Variants in GALNT17 observed in about 807,000 individuals in gnomAD.
The protein encoded by GALNT17 is polypeptide N-acetylgalactosaminyltransferase 17.
In GALNT17, 29 loss-of-function variants were observed where a neutral mutation model predicts 63.7. The ratio of observed to expected loss-of-function variants is 0.46; its 90% CI spans 0.34 to 0.62. GALNT17 has a LOEUF of 0.62. Ranked by LOEUF, GALNT17 falls within the 20% of genes least tolerant of loss-of-function variation. GALNT17 has a pLI of 0.01. For synonymous variants in GALNT17, 305 were observed against 318.3 expected (o/e 0.96, Z 0.45); for missense variants, 603 against 799.6 (o/e 0.75, Z 2.97).
intron 6 of GALNT17, among the ~76,000 whole-genome samples, chr7:71,632,364 G>C (rs1236465550): frequency 6.6e-6 from 1 of 152,152 alleles, no homozygotes; most frequent in Non-Finnish European, 1.5e-5. Context: ...TGATATGGAT[G>C]GGATTCCCAT....
chr7:71,697,363 C>T (rs534371315), intron 9 of GALNT17, among the ~76,000 whole-genome samples: 1 of 152,124 alleles, frequency 6.6e-6, no homozygotes, highest in African/African-American at 2.4e-5. Flanking sequence ...TCAGAATAGT[C>T]TGGAATTTTG....
chr7:71,407,215 A>C (rs991028712), intron 3 of GALNT17, among the ~76,000 whole-genome samples: 1 of 152,172 alleles, frequency 6.6e-6, no homozygotes, highest in African/African-American at 2.4e-5. Context: ...GTCTTATCTA[A>C]GTGTCTCACC....
chr7:71,520,241 A>G (rs900328073), intron 5 of GALNT17, among the ~76,000 whole-genome samples: 4 of 152,118 alleles, frequency 2.6e-5, no homozygotes, highest in South Asian at 2.1e-4. Context: ...CTAGAATTCT[A>G]TGTTAAAAAG....
intron 5 of GALNT17, among the ~76,000 whole-genome samples, chr7:71,443,942 G>T (rs936972891): frequency 5.9e-5 from 9 of 152,140 alleles, no homozygotes; most frequent in Non-Finnish European, 1.3e-4. Context: ...GGCCAGGCTG[G>T]TCTCGAACTT....
chr7:71,170,278 T>A (rs1391268472), intron 1 of GALNT17, among the ~76,000 whole-genome samples: 2 of 152,160 alleles, frequency 1.3e-5, no homozygotes, highest in Admixed American at 1.3e-4. Flanking sequence ...TTCAAAGATG[T>A]AGATCGAGAA....
At chr7:71,526,546 G>T (rs570154355) in intron 5 of GALNT17, among the ~76,000 whole-genome samples, 1 of 151,908 alleles carries the variant, frequency 6.6e-6, no homozygotes, top group Non-Finnish European at 1.5e-5. Flanking sequence ...TGGAGACAGA[G>T]TCTCTCTCTG....
chr7:71,522,792 G>T (rs1788552840), intron 5 of GALNT17, among the ~76,000 whole-genome samples: 1 of 152,088 alleles, frequency 6.6e-6, no homozygotes, highest in Non-Finnish European at 1.5e-5. Context: ...GTTTCACCTG[G>T]GTTCATTTCT....
In GALNT17 at chr7:71,545,193, G is replaced by T. The variant is rs1788962329; in HGVS notation, c.963-26092G>T. Among the ~76,000 whole-genome samples the T allele has an allele frequency of 2.0e-5, 3 of 152,034 alleles. No individual in the cohort carries two copies. In the South Asian group the frequency reaches 6.2e-4, roughly 32 times the overall value. ...CCTCGTATGTATAACCTATTTGATT[G>T]CTTGCTGTGTTGTAAGCTCTAAAGA... On this transcript the variant is annotated intron_variant, in intron 5 of 10. Coordinates refer to ENST00000333538, the MANE Select transcript of GALNT17 (RefSeq NM_022479.3).
chr7:71,665,451 C>T lies in GALNT17; in HGVS notation c.1121C>T (p.Ser374Leu). Reference sequence around the variant, plus strand: ...GGCAGCATGGAGGTCCTTCCTTGCTCACGGGTGGCCCACATTGAGCGGAAG... The same window carrying T: ...GGCAGCATGGAGGTCCTTCCTTGCTTACGGGTGGCCCACATTGAGCGGAAG... ...CGGSMEVLPCSRVAHIERKKK... is the reference protein window; with the variant it reads ...CGGSMEVLPCLRVAHIERKKK... The change falls in exon 7 of 11, where the codon TCA (serine) becomes TTA (leucine). Residue 374 changes from serine (S) to leucine (L), a missense_variant. Physicochemically the swap from Ser to Leu is moderately radical, Grantham distance 145. Coordinates refer to ENST00000333538, the MANE Select transcript of GALNT17 (RefSeq NM_022479.3). The T allele has an allele frequency of 6.2e-7, 1 of 1,612,784 alleles. No homozygotes were observed. Among genetic ancestry groups the T allele is most frequent in the East Asian group, 2.2e-5 (1 of 44,852 alleles).
intron 6 of GALNT17, among the ~76,000 whole-genome samples, chr7:71,608,764 G>C (rs1057235319): frequency 1.3e-5 from 2 of 151,852 alleles, no homozygotes; most frequent in Non-Finnish European, 2.9e-5. Flanking sequence ...AGATGAACTG[G>C]GAATCCTTTA....
intron 1 of GALNT17, among the ~76,000 whole-genome samples, chr7:71,278,552 G>T (rs1790722665): frequency 6.6e-6 from 1 of 152,162 alleles, no homozygotes; most frequent in Admixed American, 6.5e-5. Context: ...ACAAAGAATT[G>T]CCAGAGACTG....
chr7:71,338,654 A>C (rs1438203230), intron 2 of GALNT17, among the ~76,000 whole-genome samples: 1 of 152,308 alleles, frequency 6.6e-6, no homozygotes. Flanking sequence ...TGCTGGAGAG[A>C]AAACCCCTGT....
At chr7:71,321,930 T>TTCCTTC (rs1563001283) in intron 1 of GALNT17, among the ~76,000 whole-genome samples, 4 of 35,424 alleles carry the variant, frequency 1.1e-4, no homozygotes, top group Admixed American at 3.7e-4. Flanking sequence ...TTCCCCTCCC[T>TTCCTTC]CCCTCCCTCC....
intron 5 of GALNT17, among the ~76,000 whole-genome samples, chr7:71,434,044 A>G (rs1410060764): frequency 2.0e-5 from 3 of 151,978 alleles, no homozygotes; most frequent in Non-Finnish European, 4.4e-5. Flanking sequence ...TCAGACTCCA[A>G]TTTCTTCAGC....
At chr7:71,166,835 G>A (rs1181975817) in intron 1 of GALNT17, among the ~76,000 whole-genome samples, 2 of 151,656 alleles carry the variant, frequency 1.3e-5, no homozygotes, top group African/African-American at 2.4e-5. Context: ...TTTTCCCCTA[G>A]GTAAACACCT....
At chr7:71,432,170 G>A (rs1167783515) in intron 5 of GALNT17, among the ~76,000 whole-genome samples, 13 of 151,634 alleles carry the variant, frequency 8.6e-5, no homozygotes, top group East Asian at 1.9e-4. Flanking sequence ...GCAAGACTCC[G>A]TCTCAAAAAA....
intron 1 of GALNT17, among the ~76,000 whole-genome samples, chr7:71,212,990 G>A (rs1366860039): frequency 1.3e-5 from 2 of 152,144 alleles, no homozygotes; most frequent in East Asian, 3.9e-4. Context: ...GACTTTGGGG[G>A]ACTGTTGGGA....
chr7:71,480,726 C>T (rs558675656), intron 5 of GALNT17, among the ~76,000 whole-genome samples: 48 of 152,260 alleles, frequency 3.2e-4, no homozygotes, highest in Non-Finnish European at 5.7e-4. Flanking sequence ...GGGCTGGTCT[C>T]GAACTCCTGG....
chr7:71,421,030 G>T lies in GALNT17; in HGVS notation c.887G>T (p.Ser296Ile). Residue 296 changes from serine (S) to isoleucine (I), a missense_variant, in exon 5 of 11, where the codon AGC (serine) becomes ATC (isoleucine). Ser to Ile is a moderately radical substitution (Grantham distance 142). Coordinates refer to ENST00000333538, the MANE Select transcript of GALNT17 (RefSeq NM_022479.3). Reference sequence around the variant, plus strand: ...TACGAGAACTCGGCCCACGGGTACAGCTGGGAGCTGTGGTGCATGTACATC... The same window carrying T: ...TACGAGAACTCGGCCCACGGGTACATCTGGGAGCTGTGGTGCATGTACATC... ...QRYENSAHGY[S>I]WELWCMYISP... 1 of 1,614,184 alleles carries T rather than the reference G, an allele frequency of 6.2e-7. No individual in the cohort carries two copies. Among genetic ancestry groups the T allele is most frequent in the Non-Finnish European group, 8.5e-7 (1 of 1,180,022 alleles).
Sources: allele counts gnomAD v4.1 joint callset (sites outside exome capture counted in the v4.1 genomes callset), GRCh38; gene constraint gnomAD v4.1.1; transcripts MANE v1.5; gene names NCBI Gene and HGNC (gene_info 2026-07-23, HGNC 2026-07-21).